SGCZ: variants seen among roughly 807,000 people sequenced by gnomAD.
SGCZ encodes zeta-sarcoglycan.
SGCZ carries 40 observed loss-of-function variants against 41.3 expected under a neutral mutation model. That is an observed-to-expected ratio of 0.97 (90% CI 0.75 to 1.26). The LOEUF is 1.26. SGCZ is among the 50% of genes most tolerant of loss of function. The probability of loss-of-function intolerance (pLI) is 0.00; values close to 1 mark genes in which losing one functional copy is unlikely to be tolerated. For missense variants in SGCZ, 552 were observed against 369.8 expected (o/e 1.49, Z -4.04); for synonymous variants, 206 against 137.5 (o/e 1.50, Z -3.49).
chr8:14,269,962 G>T (rs1800005590), intron 3 of SGCZ, among the ~76,000 whole-genome samples: 1 of 152,082 alleles, frequency 6.6e-6, no homozygotes, highest in Admixed American at 6.6e-5. Context: ...ACCATATAAG[G>T]TAAAATAAGG....
chr8:14,375,012 T>C (rs977750572), intron 2 of SGCZ, among the ~76,000 whole-genome samples: 1 of 152,098 alleles, frequency 6.6e-6, no homozygotes, highest in African/African-American at 2.4e-5. Context: ...TAGGTATGAC[T>C]ATGTGGATGA....
chr8:14,441,092 G>C (rs1476268006), intron 2 of SGCZ, among the ~76,000 whole-genome samples: 1 of 151,980 alleles, frequency 6.6e-6, no homozygotes, highest in Non-Finnish European at 1.5e-5. Context: ...ACCGAAGTCT[G>C]GTCCTCTATG....
intron 1 of SGCZ, among the ~76,000 whole-genome samples, chr8:14,588,832 T>C (rs1240408034): frequency 6.6e-6 from 1 of 152,176 alleles, no homozygotes; most frequent in East Asian, 1.9e-4. Flanking sequence ...CAATTAAATT[T>C]ACCCTCTGGG....
At chr8:14,551,567 AT>A (rs1803853555) in intron 2 of SGCZ, among the ~76,000 whole-genome samples, 1 of 23,678 alleles carries the variant, frequency 4.2e-5, no homozygotes, top group Non-Finnish European at 6.3e-5. Context: ...TATTATATAT[AT>A]AATATATATA....
chr8:14,705,511 A>AGT (rs1428758618), intron 1 of SGCZ, among the ~76,000 whole-genome samples: 1 of 152,002 alleles, frequency 6.6e-6, no homozygotes, highest in Non-Finnish European at 1.5e-5. Flanking sequence ...ACTGCATTGC[A>AGT]AACCTTGTCT....
At chr8:14,457,861 CG>C (rs1800793237) in intron 2 of SGCZ, among the ~76,000 whole-genome samples, 1 of 152,088 alleles carries the variant, frequency 6.6e-6, no homozygotes, top group Non-Finnish European at 1.5e-5. Context: ...GCCAGACATT[CG>C]GGGCCACTAC....
At chr8:14,344,930 G>C (rs139030321) in intron 2 of SGCZ, among the ~76,000 whole-genome samples, 1 of 151,838 alleles carries the variant, frequency 6.6e-6, no homozygotes, top group African/African-American at 2.4e-5. Context: ...GGATTTCTAC[G>C]ATACAACTAA....
chr8:15,102,092 C>T (rs1342045787), intron 1 of SGCZ, among the ~76,000 whole-genome samples: 2 of 152,148 alleles, frequency 1.3e-5, no homozygotes, highest in African/African-American at 4.8e-5. Flanking sequence ...TTTATGTCCA[C>T]ACAAAAACCT....
chr8:14,755,762 T>C (rs1436511389), intron 1 of SGCZ, among the ~76,000 whole-genome samples: 1 of 152,136 alleles, frequency 6.6e-6, no homozygotes, highest in Non-Finnish European at 1.5e-5. Context: ...CTGTGATGAA[T>C]GCTTTATAAA....
intron 1 of SGCZ, among the ~76,000 whole-genome samples, chr8:15,180,524 C>A (rs927768499): frequency 6.6e-6 from 1 of 151,794 alleles, no homozygotes; most frequent in Non-Finnish European, 1.5e-5. Flanking sequence ...AAAAACAATA[C>A]TCATTCTAAT....
chr8:14,926,056 C>T (rs926554162), intron 1 of SGCZ, among the ~76,000 whole-genome samples: 3 of 151,924 alleles, frequency 2.0e-5, no homozygotes, highest in African/African-American at 7.3e-5. Flanking sequence ...AATGAATTCC[C>T]AAAAGGAAAA....
chr8:15,153,064 C>G (rs980475712), intron 1 of SGCZ, among the ~76,000 whole-genome samples: 10 of 152,186 alleles, frequency 6.6e-5, no homozygotes, highest in African/African-American at 2.4e-4. Context: ...ACCAGAGTTT[C>G]TCATCTAAAC....
At chr8:14,650,103 A>G (rs1807349255) in intron 1 of SGCZ, among the ~76,000 whole-genome samples, 1 of 152,096 alleles carries the variant, frequency 6.6e-6, no homozygotes, top group African/African-American at 2.4e-5. Flanking sequence ...GCACCCAGAC[A>G]TAGACGCAAT....
chr8:14,656,247 C>A (rs1195541790), intron 1 of SGCZ, among the ~76,000 whole-genome samples: 6 of 151,932 alleles, frequency 3.9e-5, no homozygotes, highest in African/African-American at 1.5e-4. Context: ...ACATCCTCAC[C>A]AGAATTATAT....
At chr8:14,473,755 G>A (rs540974074) in intron 2 of SGCZ, among the ~76,000 whole-genome samples, 5 of 152,120 alleles carry the variant, frequency 3.3e-5, no homozygotes, top group African/African-American at 1.2e-4. Context: ...GGCTAACATG[G>A]TGAAACCCTG....
At chr8:14,992,902 T>C (rs1802071656) in intron 1 of SGCZ, among the ~76,000 whole-genome samples, 1 of 139,970 alleles carries the variant, frequency 7.1e-6, no homozygotes, top group Non-Finnish European at 1.5e-5. Context: ...CCTCATCCAA[T>C]CTACTCCCAA....
intron 1 of SGCZ, among the ~76,000 whole-genome samples, chr8:14,938,367 C>A (rs7014300): frequency 0.15 from 22,332 of 152,044 alleles, 2,088 homozygotes; most frequent in Admixed American, 0.23. Flanking sequence ...GATGGCAAGA[C>A]CAATCCCTCC....
chr8:14,183,630 T>G (rs1804806291), intron 4 of SGCZ, among the ~76,000 whole-genome samples: 1 of 152,146 alleles, frequency 6.6e-6, no homozygotes, highest in Non-Finnish European at 1.5e-5. Flanking sequence ...ACAAAAATTG[T>G]TTCACAAAAT....
chr8:15,001,399 A>G (rs1359440919), intron 1 of SGCZ, among the ~76,000 whole-genome samples: 1 of 152,174 alleles, frequency 6.6e-6, no homozygotes, highest in African/African-American at 2.4e-5. Flanking sequence ...GTCACAAGGT[A>G]TCTGAATCAG....
Sources: gnomAD v4.1 joint callset for allele counts (sites outside exome capture counted in the v4.1 genomes callset) on GRCh38, gnomAD v4.1.1 for gene constraint, MANE v1.5 for transcripts, NCBI Gene and HGNC (gene_info 2026-07-23, HGNC 2026-07-21) for gene names.